The following ADGRF4 variants were observed in gnomAD, a reference collection of about 807,000 sequenced individuals.
ADGRF4 encodes the protein G-protein coupled receptor PGR18.
A neutral mutation model predicts 58.5 loss-of-function variants in ADGRF4; 63 were observed. That is an observed-to-expected ratio of 1.08 (90% CI 0.88 to 1.33). ADGRF4 has a LOEUF of 1.33. ADGRF4 is among the 40% of genes most tolerant of loss of function. The pLI is 0.00. For missense variants in ADGRF4, 931 were observed against 843.9 expected, an observed-to-expected ratio of 1.10 and a Z score of -1.28; for synonymous variants, 313 against 295.4, an observed-to-expected ratio of 1.06 and a Z score of -0.61.
At position 47,707,483 on chromosome 6, in the gene ADGRF4, A is replaced by G. The variant is rs1771744033; in HGVS notation, c.93+145A>G. 6 of 641,882 alleles carry G rather than the reference A, an allele frequency of 9.3e-6. No individual in the cohort carries two copies. The East Asian group carries it at 1.6e-4, about 18-fold the overall frequency. The allele number at this position is 641,882 out of a possible 1,614,324, so 39.8% of individuals were successfully genotyped here. On this transcript the variant is annotated intron_variant, in intron 2 of 9. Coordinates refer to ENST00000283303, the MANE Select transcript of ADGRF4 (RefSeq NM_153838.5). ...CTTGCTGATAGTAACTTTCTAAAGA[A>G]GGGAACAAAGAAAAGCTGAGAGGTG...
At chr6:47,706,397 G>A (rs1771710579) in intron 1 of ADGRF4, among the ~76,000 whole-genome samples, 1 of 152,206 alleles carries the variant, frequency 6.6e-6, no homozygotes, top group Non-Finnish European at 1.5e-5. Context: ...CTAAGAGGGA[G>A]TCTCAGAGCT....
At chr6:47,719,559 T>C (rs554677436) in intron 9 of ADGRF4, among the ~76,000 whole-genome samples, 2 of 152,186 alleles carry the variant, frequency 1.3e-5, no homozygotes, top group Non-Finnish European at 2.9e-5. Flanking sequence ...TTAATTCAAA[T>C]GACCTATTAA....
chr6:47,706,910 C>T (rs951304993), intron 1 of ADGRF4, among the ~76,000 whole-genome samples: 1 of 152,184 alleles, frequency 6.6e-6, no homozygotes, highest in African/African-American at 2.4e-5. Context: ...AATAGATATT[C>T]TTGATAAATA....
chr6:47,716,070 C>T (rs1444575760), intron 6 of ADGRF4, among the ~76,000 whole-genome samples: 8 of 151,592 alleles, frequency 5.3e-5, no homozygotes, highest in African/African-American at 1.2e-4. Context: ...TGATCTCATC[C>T]TTTCTTACTT....
At chr6:47,704,872 G>A (rs1425760175) in intron 1 of ADGRF4, among the ~76,000 whole-genome samples, 1 of 152,050 alleles carries the variant, frequency 6.6e-6, no homozygotes, top group Admixed American at 6.6e-5. Flanking sequence ...ATCTATGTAT[G>A]TCTGTACATA....
At chr6:47,710,551 G>A (rs548291737) in intron 3 of ADGRF4, among the ~76,000 whole-genome samples, 184 bp from the exon 4 acceptor site, 1 of 152,102 alleles carries the variant, frequency 6.6e-6, no homozygotes, top group South Asian at 2.1e-4. Context: ...TGTTTACTCT[G>A]CCTGGATACC....
chr6:47,700,948 C>G (rs947350432), intron 1 of ADGRF4, among the ~76,000 whole-genome samples: 1 of 150,844 alleles, frequency 6.6e-6, no homozygotes, highest in Non-Finnish European at 1.5e-5. Flanking sequence ...ATTTTTTTGC[C>G]TATTTCACTA....
rs143949878 is a variant in ADGRF4 at position 47,699,986 on chromosome 6, T to G, written c.-17+1192T>G. Among the ~76,000 whole-genome samples the G allele has an allele frequency of 2.6e-3, 397 of 151,064 alleles. 3 individuals are homozygous for G. Among genetic ancestry groups the G allele is most frequent in the African/African-American group, 9.4e-3 (386 of 41,256 alleles). ...AACTCTTAGGTTCCTTGCCCTCTAG[T>G]TAACCTCTTTGGATTGGTTGTTCCC... On this transcript the variant is annotated intron_variant, in intron 1 of 9. Transcript: ENST00000283303.
At chr6:47,712,910 G>T (rs1294542610) in intron 5 of ADGRF4, among the ~76,000 whole-genome samples, 1 of 152,302 alleles carries the variant, frequency 6.6e-6, no homozygotes, top group East Asian at 1.9e-4. Flanking sequence ...TAGAACAGGG[G>T]TCCCCAACAC....
At chr6:47,720,871 G>A (rs760099717) in intron 9 of ADGRF4, among the ~76,000 whole-genome samples, 24 of 152,150 alleles carry the variant, frequency 1.6e-4, no homozygotes, top group Non-Finnish European at 3.4e-4. Context: ...GAAGCAACAC[G>A]GTTTACAATG....
At chr6:47,701,137 C>T (rs934693537) in intron 1 of ADGRF4, among the ~76,000 whole-genome samples, 3 of 152,042 alleles carry the variant, frequency 2.0e-5, no homozygotes, top group Admixed American at 1.3e-4. Context: ...GCTGTGTTTG[C>T]CTGTAACTCT....
At chr6:47,711,523 A>G (rs1771871838) in intron 4 of ADGRF4, among the ~76,000 whole-genome samples, 1 of 152,156 alleles carries the variant, frequency 6.6e-6, no homozygotes, top group Non-Finnish European at 1.5e-5. Context: ...GGCCTCCCAA[A>G]GTGCTGGGAT....
chr6:47,716,732 G>A, intron 6 of ADGRF4, 74 bp from the exon 7 acceptor site: 1 of 1,099,634 alleles, frequency 9.1e-7, no homozygotes, highest in Non-Finnish European at 1.4e-6. Context: ...GTATCTAGAA[G>A]AGCGGTATGA....
At chr6:47,703,816 T>C (rs186171898) in intron 1 of ADGRF4, among the ~76,000 whole-genome samples, 9 of 152,332 alleles carry the variant, frequency 5.9e-5, no homozygotes, top group African/African-American at 2.2e-4. Context: ...CAAAGCATGA[T>C]TTGCAGAAAA....
chr6:47,708,316 C>G (rs1291456167), intron 3 of ADGRF4, 38 bp downstream of exon 3: 1 of 1,515,100 alleles, frequency 6.6e-7, no homozygotes, highest in African/African-American at 1.4e-5. Flanking sequence ...CATTTGAAGA[C>G]AGGGAAGAAT....
In ADGRF4 at chr6:47,716,659, A is replaced by G. The variant is rs115933175; in HGVS notation, c.1933-147A>G. 1,010 of 663,402 alleles carry G rather than the reference A, an allele frequency of 1.5e-3. 6 individuals are homozygous for G. The highest frequency in any genetic ancestry group is 0.011 in the Middle Eastern group (27 of 2,538). 41.1% of individuals were successfully genotyped at this position (663,402 alleles called of 1,614,324 possible). ...GGGCAGACTCAAAGGAACACCCATC[A>G]GTGCATTTTTATCTGCATTAGTGGA... On this transcript the variant is annotated intron_variant, in intron 6 of 9. Transcript: ENST00000283303.
chr6:47,703,066 C>T (rs1264860604), intron 1 of ADGRF4, among the ~76,000 whole-genome samples: 4 of 152,106 alleles, frequency 2.6e-5, no homozygotes, highest in African/African-American at 7.2e-5. Context: ...CTTTTCTTTC[C>T]CTCATCCTTT....
intron 3 of ADGRF4, among the ~76,000 whole-genome samples, chr6:47,708,770 T>C (rs1363545836): frequency 2.0e-5 from 3 of 152,222 alleles, no homozygotes; most frequent in Non-Finnish European, 4.4e-5. Context: ...TGAAATCATG[T>C]GGTTCTCACT....
intron 1 of ADGRF4, among the ~76,000 whole-genome samples, chr6:47,706,814 A>C: frequency 6.6e-6 from 1 of 152,344 alleles, no homozygotes; most frequent in East Asian, 1.9e-4. Context: ...ATTTTCCCCA[A>C]TGATAAAATG....
Sources: allele counts gnomAD v4.1 joint callset (sites outside exome capture counted in the v4.1 genomes callset), GRCh38; gene constraint gnomAD v4.1.1; transcripts MANE v1.5; gene names NCBI Gene and HGNC (gene_info 2026-07-23, HGNC 2026-07-21).